FAM169A: variants seen among roughly 807,000 people sequenced by gnomAD.
FAM169A encodes soluble lamin-associated protein of 75 kDa.
Under a neutral mutation model 75.7 loss-of-function variants are expected in FAM169A, and 24 were observed. That is an observed-to-expected ratio of 0.32 (90% confidence interval 0.23 to 0.45). The LOEUF is 0.45. FAM169A is among the 20% of genes least tolerant of loss of function. The pLI is 1.00. For synonymous variants in FAM169A, 271 were observed against 271.0 expected, an observed-to-expected ratio of 1.00 and a Z score of 0.00; for missense variants, 673 against 784.0, an observed-to-expected ratio of 0.86 and a Z score of 1.69.
intron 6 of FAM169A, among the ~76,000 whole-genome samples, chr5:74,807,168 T>C (rs1486816888): frequency 6.6e-6 from 1 of 152,104 alleles, no homozygotes; most frequent in Non-Finnish European, 1.5e-5. Context: ...TACCACTAAG[T>C]CAAAAATGCA....
At chr5:74,837,015 T>C (rs1007387659) in intron 4 of FAM169A, among the ~76,000 whole-genome samples, 3 of 151,740 alleles carry the variant, frequency 2.0e-5, no homozygotes, top group Non-Finnish European at 4.4e-5. Context: ...ATAGTTGTAG[T>C]CTTATTTTTG....
At chr5:74,835,243 C>T (rs941518912) in intron 4 of FAM169A, among the ~76,000 whole-genome samples, 2 of 152,112 alleles carry the variant, frequency 1.3e-5, no homozygotes, top group African/African-American at 4.8e-5. Context: ...TTCCTACACA[C>T]AGGGCTACAT....
At position 74,779,590 on chromosome 5, in the gene FAM169A, A is replaced by AT. The variant is rs1225888104; in HGVS notation, c.*1869dup. ...TCATAAAATGTATAAAACAGCATAA[A>AT]TGTTTGGTAGATTCACTAATAGTAG... On this transcript the variant is annotated 3_prime_UTR_variant, in exon 13 of 13. Transcript: ENST00000687041. The AT allele has an allele frequency of 1.3e-5, 2 of 151,990 alleles. No homozygotes were observed. Among genetic ancestry groups the AT allele is most frequent in the Admixed American group, 6.6e-5 (1 of 15,260 alleles). The allele number at this position is 151,990 out of a possible 1,614,324, so 9.4% of individuals were successfully genotyped here. A position where few individuals can be genotyped will look rare whatever the true frequency, so the allele number is the denominator to read the frequency against.
intron 6 of FAM169A, among the ~76,000 whole-genome samples, chr5:74,807,767 A>C (rs1746964632): frequency 6.6e-6 from 1 of 152,240 alleles, no homozygotes; most frequent in Non-Finnish European, 1.5e-5. Context: ...AAAAATGCTC[A>C]GTAAAAATGT....
chr5:74,840,029 T>C (rs374720362), intron 3 of FAM169A, 45 bp downstream of exon 3: 3 of 1,014,324 alleles, frequency 3.0e-6, no homozygotes, highest in East Asian at 2.5e-5. Context: ...TTCTAACAGT[T>C]TGGAGAAAAA....
At chr5:74,808,931 A>G (rs1747026926) in intron 6 of FAM169A, among the ~76,000 whole-genome samples, 1 of 152,212 alleles carries the variant, frequency 6.6e-6, no homozygotes, top group African/African-American at 2.4e-5. Flanking sequence ...TTAGGACACT[A>G]GTCTATCATT....
At chr5:74,807,830 T>C (rs960848615) in intron 6 of FAM169A, among the ~76,000 whole-genome samples, 3 of 152,142 alleles carry the variant, frequency 2.0e-5, no homozygotes, top group Admixed American at 2.0e-4. Flanking sequence ...AAAAACACAC[T>C]AAATAAGGCT....
intron 5 of FAM169A, among the ~76,000 whole-genome samples, chr5:74,825,512 T>C (rs1747975889): frequency 6.6e-6 from 1 of 152,176 alleles, no homozygotes; most frequent in Admixed American, 6.5e-5. Flanking sequence ...TCTCCTTTCT[T>C]TTCTCTCTTA....
chr5:74,785,070 C>T (rs1484592864), intron 11 of FAM169A, among the ~76,000 whole-genome samples: 1 of 152,068 alleles, frequency 6.6e-6, no homozygotes, highest in Non-Finnish European at 1.5e-5. Flanking sequence ...GCCTATAATC[C>T]CAGCACTTTG....
intron 5 of FAM169A, among the ~76,000 whole-genome samples, chr5:74,816,242 T>C (rs1332810723): frequency 6.6e-6 from 1 of 152,228 alleles, no homozygotes; most frequent in Non-Finnish European, 1.5e-5. Context: ...CAAAAATGAA[T>C]GAGAAGAGAA....
rs1745253382 is a variant in FAM169A, at chr5:74,778,765, T to A, written c.*2695A>T. On this transcript the variant is annotated 3_prime_UTR_variant, in exon 13 of 13. Coordinates refer to ENST00000687041, the MANE Select transcript of FAM169A (RefSeq NM_001376049.1). ...TATATTACACAAGGAAATATACACGTATGTACATAAAAAGTGAACTCCCTT... is the reference window on the plus strand; with the variant it reads ...TATATTACACAAGGAAATATACACGAATGTACATAAAAAGTGAACTCCCTT... 6.6e-6 allele frequency: 1 copy of A among 152,074 alleles called. No homozygotes were observed. The highest frequency in any genetic ancestry group is 2.4e-5 in the African/African-American group (1 of 41,458). 9.4% of individuals were successfully genotyped at this position (152,074 alleles called of 1,614,324 possible).
chr5:74,812,063 A>C (rs558051711), intron 6 of FAM169A, among the ~76,000 whole-genome samples: 1 of 152,320 alleles, frequency 6.6e-6, no homozygotes, highest in Non-Finnish European at 1.5e-5. Flanking sequence ...ATTGGCAACA[A>C]GCCATTTCTC....
chr5:74,814,924 T>C (rs1747391831), intron 5 of FAM169A, among the ~76,000 whole-genome samples: 1 of 152,206 alleles, frequency 6.6e-6, no homozygotes, highest in Non-Finnish European at 1.5e-5. Context: ...CTCAGATTAT[T>C]CATATGATTT....
chr5:74,802,028 C>T (rs1746608208), intron 8 of FAM169A, among the ~76,000 whole-genome samples: 1 of 152,178 alleles, frequency 6.6e-6, no homozygotes, highest in South Asian at 2.1e-4. Context: ...GATGTCCCAT[C>T]CAATTTCACA....
Position 74,781,218 on chromosome 5 carries a change from C to T in FAM169A, c.*242G>A. On this transcript the variant is annotated 3_prime_UTR_variant, in exon 13 of 13. Coordinates refer to ENST00000687041, the MANE Select transcript of FAM169A (RefSeq NM_001376049.1). ...AAGAAAATATAATATGATCTGGTTT[C>T]CCAAAATTGAAACATGGTTAATAAA... 2.2e-6 allele frequency: 1 copy of T among 453,850 alleles called. No homozygotes were observed. Among genetic ancestry groups the T allele is most frequent in the Admixed American group, 3.8e-5 (1 of 26,316 alleles). 28.1% of individuals were successfully genotyped at this position (453,850 alleles called of 1,614,324 possible).
chr5:74,827,978 T>C (rs1054956667), intron 5 of FAM169A, among the ~76,000 whole-genome samples: 1 of 152,128 alleles, frequency 6.6e-6, no homozygotes, highest in African/African-American at 2.4e-5. Flanking sequence ...GAGTGTATCA[T>C]TTTTTAATTA....
intron 5 of FAM169A, among the ~76,000 whole-genome samples, chr5:74,828,324 T>TTA (rs1443475578): frequency 6.6e-6 from 1 of 152,180 alleles, no homozygotes; most frequent in African/African-American, 2.4e-5. Flanking sequence ...ACAAAACTAT[T>TTA]TAGAGGCCTC....
upstream of FAM169A, chr5:74,866,596 C>G: frequency 3.3e-6 from 2 of 608,416 alleles, no homozygotes; most frequent in Non-Finnish European, 4.1e-6. Context: ...CCCGCGCCCC[C>G]TCTCTCCGCC....
chr5:74,810,615 T>C (rs1747128376), intron 6 of FAM169A, among the ~76,000 whole-genome samples: 1 of 151,366 alleles, frequency 6.6e-6, no homozygotes, highest in Admixed American at 6.6e-5. Context: ...CCAGGCGTGG[T>C]GGCGGGCACC....
Sources: allele counts gnomAD v4.1 joint callset (sites outside exome capture counted in the v4.1 genomes callset), GRCh38; gene constraint gnomAD v4.1.1; transcripts MANE v1.5; gene names NCBI Gene and HGNC (gene_info 2026-07-23, HGNC 2026-07-21).